The following ASTN2 variants were observed in gnomAD, a reference collection of about 807,000 sequenced individuals.
ASTN2 encodes the protein astrotactin-2.
A neutral mutation model predicts 139.8 loss-of-function variants in ASTN2; 54 were observed. The observed-to-expected ratio is 0.39, with a 90% CI of 0.31 to 0.48. The LOEUF (loss-of-function observed/expected upper bound fraction) is 0.48. Ranked by LOEUF, ASTN2 falls within the 20% of genes least tolerant of loss-of-function variation. The pLI is 0.95. For synonymous variants in ASTN2, 756 were observed against 719.5 expected (o/e 1.05, Z -0.81); for missense variants, 1,565 against 1,725.1 (o/e 0.91, Z 1.64).
chr9:116,469,984 C>T (rs1848763671), intron 20 of ASTN2, among the ~76,000 whole-genome samples: 1 of 152,012 alleles, frequency 6.6e-6, no homozygotes, highest in Admixed American at 6.6e-5. Flanking sequence ...GTGGCAGGAT[C>T]ACCTGAGGTC....
intron 19 of ASTN2, chr9:116,586,348 T>C (rs1854142002): frequency 6.6e-6 from 1 of 152,224 alleles, no homozygotes; most frequent in African/African-American, 2.4e-5. Context: ...GTTTCTGTGT[T>C]CATTGGAGCA....
chr9:116,700,013 C>CATG (rs1554733386), intron 16 of ASTN2: 4 of 421,218 alleles, frequency 9.5e-6, no homozygotes, highest in African/African-American at 8.1e-5. Flanking sequence ...CCCTTTGTGC[C>CATG]ATGTTTGAAA....
chr9:116,716,425 TC>T (rs1828316623), intron 16 of ASTN2, among the ~76,000 whole-genome samples: 1 of 152,156 alleles, frequency 6.6e-6, no homozygotes, highest in African/African-American at 2.4e-5. Context: ...AAACCATGTT[TC>T]TACCTGGTTA....
At chr9:117,110,505 G>GAAAGGGGAT (rs1564430294) in intron 4 of ASTN2, among the ~76,000 whole-genome samples, 1 of 152,250 alleles carries the variant, frequency 6.6e-6, no homozygotes, top group East Asian at 1.9e-4. Flanking sequence ...CAAGTTTTAA[G>GAAAGGGGAT]AAAGGGGATA....
At chr9:117,346,387 A>C (rs1044247447) in intron 1 of ASTN2, among the ~76,000 whole-genome samples, 17 of 152,172 alleles carry the variant, frequency 1.1e-4, no homozygotes, top group African/African-American at 3.9e-4. Context: ...GATCTGTATT[A>C]TCCTACAGAA....
intron 7 of ASTN2, among the ~76,000 whole-genome samples, chr9:116,985,548 T>C (rs1836653658): frequency 6.6e-6 from 1 of 152,220 alleles, no homozygotes; most frequent in Non-Finnish European, 1.5e-5. Context: ...ATTCCCTTTC[T>C]TTCTAGCCTC....
chr9:117,214,696 G>T lies in ASTN2; in HGVS notation c.677C>A (p.Ala226Glu). 1 of 1,526,668 alleles carries T rather than the reference G, an allele frequency of 6.6e-7. No individual in the cohort carries two copies. The allele number at this position is 1,526,668 out of a possible 1,614,324, so 94.6% of individuals were successfully genotyped here. A position where few individuals can be genotyped will look rare whatever the true frequency, so the allele number is the denominator to read the frequency against. Residue 226 changes from alanine (A) to glutamate (E), a missense_variant, in exon 3 of 23, where the codon GCG (alanine) becomes GAG (glutamate). Around this residue, in one of 4 missense-constraint regions of ASTN2, gnomAD observed 596 missense variants for 576.8 expected, o/e 1.03. Transcript: ENST00000313400. ...LLLLLLVFTVALYAQRRWQKR... is the reference protein window; with the variant it reads ...LLLLLLVFTVELYAQRRWQKR... ...CTGCCAACGTCGCTGGGCGTACAGC[G>T]CCACGGTGAACACCAGCAGCAGCAG...
intron 16 of ASTN2, among the ~76,000 whole-genome samples, chr9:116,668,325 G>T (rs1588165438): frequency 6.6e-6 from 1 of 152,080 alleles, no homozygotes; most frequent in South Asian, 2.1e-4. Context: ...CTGAGTAGCT[G>T]GGATTATAGG....
intron 13 of ASTN2, among the ~76,000 whole-genome samples, chr9:116,740,496 T>C (rs892906734): frequency 6.6e-6 from 1 of 152,120 alleles, no homozygotes; most frequent in East Asian, 1.9e-4. Flanking sequence ...GGAGGATTTA[T>C]GTAAAGTTAT....
At chr9:116,884,573 T>TCCTCTGGGGAATCTCTTGAAC (rs1013447827) in intron 10 of ASTN2, among the ~76,000 whole-genome samples, 1 of 151,528 alleles carries the variant, frequency 6.6e-6, no homozygotes, top group African/African-American at 2.4e-5. Flanking sequence ...ATCTCTTGAT[T>TCCTCTGGGGAATCTCTTGAAC]CCTCTGGGGA....
At chr9:117,263,814 A>C (rs1192654882) in intron 2 of ASTN2, among the ~76,000 whole-genome samples, 1 of 152,156 alleles carries the variant, frequency 6.6e-6, no homozygotes, top group Admixed American at 6.5e-5. Flanking sequence ...CACAGTATTC[A>C]ATGTAGTGAC....
At chr9:117,048,963 CTTT>C (rs372277811) in intron 5 of ASTN2, among the ~76,000 whole-genome samples, 3 of 89,030 alleles carry the variant, frequency 3.4e-5, no homozygotes, top group African/African-American at 4.0e-5. Context: ...TCATCCATTG[CTTT>C]TTTTTTTTTT....
chr9:117,100,212 T>G (rs1159169624), intron 4 of ASTN2, among the ~76,000 whole-genome samples: 4 of 152,218 alleles, frequency 2.6e-5, no homozygotes, highest in Non-Finnish European at 5.9e-5. Context: ...CATAAGGGTT[T>G]CCATAAAGGC....
At chr9:116,743,290 C>T (rs755909490) in intron 13 of ASTN2, among the ~76,000 whole-genome samples, 57 of 152,156 alleles carry the variant, frequency 3.7e-4, no homozygotes, top group Non-Finnish European at 4.3e-4. Flanking sequence ...GTGGCTTATG[C>T]CTGTAATCCC....
At chr9:117,207,243 C>T (rs10983575) in intron 3 of ASTN2, among the ~76,000 whole-genome samples, 49,199 of 151,962 alleles carry the variant, frequency 0.32, 8,140 homozygotes, top group East Asian at 0.42. Flanking sequence ...AGCTATATGG[C>T]CATGTCCCAG....
intron 11 of ASTN2, among the ~76,000 whole-genome samples, chr9:116,839,332 T>A (rs1198518736): frequency 6.6e-6 from 1 of 151,900 alleles, no homozygotes; most frequent in East Asian, 1.9e-4. Context: ...TTTATTTTTA[T>A]TTTTTTTAAA....
intron 19 of ASTN2, among the ~76,000 whole-genome samples, chr9:116,517,952 A>G (rs1245980691): frequency 6.6e-6 from 1 of 152,166 alleles, no homozygotes; most frequent in Non-Finnish European, 1.5e-5. Flanking sequence ...AATCCATCAA[A>G]CACAAACAAA....
At chr9:116,953,649 T>TA (rs1835627168) in intron 10 of ASTN2, among the ~76,000 whole-genome samples, 2 of 152,206 alleles carry the variant, frequency 1.3e-5, no homozygotes, top group African/African-American at 4.8e-5. Flanking sequence ...TTTGTTTTTT[T>TA]AACAACAACA....
intron 19 of ASTN2, among the ~76,000 whole-genome samples, chr9:116,573,561 A>T (rs1278371750): frequency 6.6e-6 from 1 of 152,204 alleles, no homozygotes; most frequent in African/African-American, 2.4e-5. Flanking sequence ...CACATGGGCA[A>T]AGCAAGACCC....
Sources: gnomAD v4.1 joint callset for allele counts (sites outside exome capture counted in the v4.1 genomes callset) on GRCh38, gnomAD v4.1.1 for gene constraint, gnomAD v4.1.1 regional missense constraint, MANE v1.5 for transcripts, NCBI Gene and HGNC (gene_info 2026-07-23, HGNC 2026-07-21) for gene names.